CSMD3: variants seen among roughly 807,000 people sequenced by gnomAD.
CSMD3 encodes CUB and sushi domain-containing protein 3.
A neutral mutation model predicts 435.2 loss-of-function variants in CSMD3; 177 were observed. That is an observed-to-expected ratio of 0.41 (90% CI 0.36 to 0.46). The LOEUF is 0.46. CSMD3 is among the 20% of genes least tolerant of loss of function. The probability of loss-of-function intolerance (pLI) is 0.34; values close to 1 mark genes in which losing one functional copy is unlikely to be tolerated. For missense variants in CSMD3, 4,265 were observed against 4,504.6 expected (o/e 0.95, Z 1.52); for synonymous variants, 1,656 against 1,520.5 (o/e 1.09, Z -2.07).
At chr8:112,367,672 G>T (rs1827909347) in intron 38 of CSMD3, among the ~76,000 whole-genome samples, 1 of 152,106 alleles carries the variant, frequency 6.6e-6, no homozygotes, top group South Asian at 2.1e-4. Context: ...CAATGCAACA[G>T]CCTCCTCTTA....
chr8:113,030,034 A>G (rs2087026287), intron 5 of CSMD3, among the ~76,000 whole-genome samples: 1 of 151,510 alleles, frequency 6.6e-6, no homozygotes, highest in Non-Finnish European at 1.5e-5. Flanking sequence ...AATAGCTGCA[A>G]AAAATAAAAT....
At position 112,272,050 on chromosome 8, in the gene CSMD3, C is replaced by T. The variant is rs1817576790; in HGVS notation, c.9509-6460G>A. On this transcript the variant is annotated intron_variant, in intron 59 of 70. Transcript: ENST00000297405. ...GCCAGTCAGGGCGTAACATGCACCC[C>T]TTTTGTCATGTGAGGACACAGAAGC... Among the ~76,000 whole-genome samples, 3 of 152,176 alleles carry T rather than the reference C, an allele frequency of 2.0e-5. No individual in the cohort carries two copies. In the South Asian group the frequency reaches 6.2e-4, roughly 31 times the overall value.
In CSMD3 at chr8:113,099,049, G is replaced by A. The variant is rs1417349083; in HGVS notation, c.710-86C>T. ...GTAAGTAAAGCAAGTCAATATGTTT[G>A]GATAAAAATAACAGTTCAAATGTGA... On this transcript the variant is annotated intron_variant, in intron 4 of 70. Transcript: ENST00000297405. 1.3e-5 allele frequency: 11 copies of A among 862,288 alleles called. No homozygotes were observed. The Admixed American group carries it at 2.1e-4, about 16-fold the overall frequency. The allele number at this position is 862,288 out of a possible 1,614,324, so 53.4% of individuals were successfully genotyped here.
intron 3 of CSMD3, among the ~76,000 whole-genome samples, chr8:113,248,965 G>A (rs937437320): frequency 6.6e-6 from 1 of 151,960 alleles, no homozygotes; most frequent in African/African-American, 2.4e-5. Context: ...GTTTGGCTGT[G>A]TCCCCACTCA....
At chr8:112,711,441 G>T (rs2076607932) in intron 13 of CSMD3, among the ~76,000 whole-genome samples, 2 of 152,120 alleles carry the variant, frequency 1.3e-5, no homozygotes, top group South Asian at 4.1e-4. Flanking sequence ...ATGGGTTGTT[G>T]AGTCCTTAAG....
At chr8:112,519,664 T>A (rs1189952941) in intron 27 of CSMD3, among the ~76,000 whole-genome samples, 1 of 152,188 alleles carries the variant, frequency 6.6e-6, no homozygotes, top group African/African-American at 2.4e-5. Flanking sequence ...TTTCTACATT[T>A]AAAACACCAT....
intron 38 of CSMD3, among the ~76,000 whole-genome samples, chr8:112,357,697 A>G (rs1826766906): frequency 6.6e-6 from 1 of 152,110 alleles, no homozygotes; most frequent in Admixed American, 6.5e-5. Context: ...GGCAGCTTCC[A>G]CGTGGTGTTG....
At chr8:112,403,146 TAAA>T (rs1831482711) in intron 35 of CSMD3, among the ~76,000 whole-genome samples, 1 of 152,152 alleles carries the variant, frequency 6.6e-6, no homozygotes, top group Admixed American at 6.6e-5. Flanking sequence ...TTCTGCACAA[TAAA>T]TGAGGCAGAA....
intron 3 of CSMD3, among the ~76,000 whole-genome samples, chr8:113,246,839 G>C (rs1347742332): frequency 6.6e-6 from 1 of 152,164 alleles, no homozygotes; most frequent in Non-Finnish European, 1.5e-5. Context: ...CTCAGTGCTT[G>C]ACTAAGATTG....
At chr8:112,280,352 C>T (rs1026673888) in intron 59 of CSMD3, among the ~76,000 whole-genome samples, 2 of 152,022 alleles carry the variant, frequency 1.3e-5, no homozygotes, top group Non-Finnish European at 2.9e-5. Context: ...TTCACTACAT[C>T]CTTGACCTCC....
At chr8:113,025,564 G>C (rs1419862564) in intron 5 of CSMD3, among the ~76,000 whole-genome samples, 1 of 152,164 alleles carries the variant, frequency 6.6e-6, no homozygotes, top group Non-Finnish European at 1.5e-5. Context: ...CCGATGCAGT[G>C]AATTATCTAG....
At chr8:112,279,300 A>G (rs1283372705) in intron 59 of CSMD3, among the ~76,000 whole-genome samples, 2 of 152,162 alleles carry the variant, frequency 1.3e-5, no homozygotes, top group African/African-American at 4.8e-5. Flanking sequence ...GATACCACTG[A>G]ATGTACAAGG....
intron 7 of CSMD3, among the ~76,000 whole-genome samples, chr8:112,962,108 C>T (rs1045130241): frequency 3.3e-5 from 5 of 151,494 alleles, no homozygotes; most frequent in Non-Finnish European, 4.4e-5. Context: ...AAATTGTTTT[C>T]GGTTGTACAG....
intron 1 of CSMD3, among the ~76,000 whole-genome samples, chr8:113,394,498 T>C (rs1385926858): frequency 1.3e-5 from 2 of 152,128 alleles, no homozygotes; most frequent in African/African-American, 4.8e-5. Flanking sequence ...TTCCTAAAAA[T>C]GCTGGATCAC....
At chr8:113,039,742 C>G (rs149697964) in intron 5 of CSMD3, among the ~76,000 whole-genome samples, 1 of 152,024 alleles carries the variant, frequency 6.6e-6, no homozygotes, top group African/African-American at 2.4e-5. Context: ...CAGGACAGTA[C>G]AGAATTGGCC....
chr8:112,299,183 C>G (rs1385296065), intron 53 of CSMD3, among the ~76,000 whole-genome samples: 1 of 151,604 alleles, frequency 6.6e-6, no homozygotes, highest in Non-Finnish European at 1.5e-5. Context: ...TAGTTACTGC[C>G]TCAGGTTATG....
chr8:112,405,246 T>TATATACACACAC (rs1199452249), intron 35 of CSMD3, among the ~76,000 whole-genome samples: 32 of 81,520 alleles, frequency 3.9e-4, no homozygotes, highest in African/African-American at 1.7e-3. Context: ...TATATATATA[T>TATATACACACAC]ACATATATAT....
chr8:112,429,020 C>G (rs538453086), intron 32 of CSMD3, among the ~76,000 whole-genome samples: 1 of 152,092 alleles, frequency 6.6e-6, no homozygotes, highest in East Asian at 1.9e-4. Context: ...ATATGCATCA[C>G]CTCACAAAGT....
chr8:113,123,657 G>A (rs1270309126), intron 4 of CSMD3, among the ~76,000 whole-genome samples: 1 of 151,970 alleles, frequency 6.6e-6, no homozygotes, highest in Non-Finnish European at 1.5e-5. Flanking sequence ...AGTGGTTCTA[G>A]TCCTGAGCAT....
Sources: allele counts gnomAD v4.1 joint callset (sites outside exome capture counted in the v4.1 genomes callset), GRCh38; gene constraint gnomAD v4.1.1; transcripts MANE v1.5; gene names NCBI Gene and HGNC (gene_info 2026-07-23, HGNC 2026-07-21).